RAD50: variants seen among roughly 807,000 people sequenced by gnomAD.
RAD50 encodes the protein DNA repair protein RAD50.
In RAD50, 132 loss-of-function variants were observed where a neutral mutation model predicts 168.8. That is an observed-to-expected ratio of 0.78 (90% CI 0.68 to 0.90). RAD50 has a LOEUF of 0.90. Among genes scored for constraint, RAD50 ranks in the 40% least tolerant of loss-of-function variants. The probability of loss-of-function intolerance (pLI) is 0.00; values close to 1 mark genes in which losing one functional copy is unlikely to be tolerated. For synonymous variants in RAD50, 525 were observed against 497.4 expected (o/e 1.06, Z -0.74); for missense variants, 1,347 against 1,534.4 (o/e 0.88, Z 2.04).
intron 2 of RAD50, among the ~76,000 whole-genome samples, chr5:132,569,164 A>T (rs1750259070): frequency 6.6e-6 from 1 of 152,202 alleles, no homozygotes; most frequent in African/African-American, 2.4e-5. Context: ...GTAGATAAGA[A>T]CCCTAAAACC....
chr5:132,632,886 A>G (rs145138013), intron 21 of RAD50, among the ~76,000 whole-genome samples: 31 of 152,010 alleles, frequency 2.0e-4, no homozygotes, highest in Non-Finnish European at 4.4e-5. Context: ...TTCCCTCTTT[A>G]CTAGTGAAGT....
rs876658433 is a variant in RAD50 at position 132,575,786 on chromosome 5, G to A, written c.223G>A (p.Glu75Lys). The change falls in exon 3 of 25, where the codon GAA (glutamate) becomes AAA (lysine). Residue 75 changes from glutamate to lysine, a missense_variant. By Grantham distance (56) the Glu-to-Lys change is moderately conservative (BLOSUM62 1). Transcript: ENST00000378823. ...GTGTTTTCCTTCAAAGGTTGCTCAA[G>A]AAACAGATGTGAGAGCCCAGATTCG... ...TFVHDPKVAQ[E>K]TDVRAQIRLQ... 6.3e-7 allele frequency: 1 copy of A among 1,595,196 alleles called. No homozygotes were observed. The highest frequency in any genetic ancestry group is 1.1e-5 in the South Asian group (1 of 90,642).
chr5:132,624,908 A>G (rs952635214), intron 21 of RAD50, among the ~76,000 whole-genome samples: 2 of 150,076 alleles, frequency 1.3e-5, no homozygotes, highest in African/African-American at 2.5e-5. Flanking sequence ...CAAAACTTCT[A>G]TTTGGAATAA....
chr5:132,612,853 A>C (rs181056159), intron 19 of RAD50, among the ~76,000 whole-genome samples: 1 of 151,944 alleles, frequency 6.6e-6, no homozygotes, highest in Non-Finnish European at 1.5e-5. Context: ...ATATATGTCT[A>C]TGTCTCCAAT....
Position 132,579,405 on chromosome 5 carries a change from A to T in RAD50, c.454A>T (p.Asn152Tyr), listed in dbSNP as rs772250365. 22 of 1,613,858 alleles carry T rather than the reference A, an allele frequency of 1.4e-5. No individual in the cohort carries two copies. Among genetic ancestry groups the T allele is most frequent in the Non-Finnish European group, 1.8e-5 (21 of 1,179,764 alleles). Residue 152 changes from asparagine to tyrosine, a missense_variant, in exon 4 of 25, where the codon AAT (asparagine) becomes TAT (tyrosine). This residue lies in a region of RAD50 where 703 missense variants were observed against 767.7 expected (regional missense o/e 0.92). Coordinates refer to ENST00000378823, the MANE Select transcript of RAD50 (RefSeq NM_005732.4). ...SSLGVSKAVL[N>Y]NVIFCHQEDS... ...TCTTGGGGTTTCCAAGGCTGTGCTA[A>T]ATAATGTCATTTTCTGTCATCAAGA...
Position 132,557,032 on chromosome 5 carries a change from G to T in RAD50, c.-293G>T. ...GCTGTGAGTGCGCGGTTGCGGGGTC[G>T]CATTGTGGCTACGGCTTTGCGTCCC... On this transcript the variant is annotated 5_prime_UTR_variant, in exon 1 of 25. Coordinates refer to ENST00000378823, the MANE Select transcript of RAD50 (RefSeq NM_005732.4). 1 of 660,660 alleles carries T rather than the reference G, an allele frequency of 1.5e-6. No individual in the cohort carries two copies. The highest frequency in any genetic ancestry group is 2.4e-6 in the Non-Finnish European group (1 of 421,204). 40.9% of individuals were successfully genotyped at this position (660,660 alleles called of 1,614,324 possible).
intron 21 of RAD50, among the ~76,000 whole-genome samples, chr5:132,627,282 G>T (rs930031594): frequency 6.6e-6 from 1 of 152,072 alleles, no homozygotes; most frequent in African/African-American, 2.4e-5. Context: ...CTTCAGTGAG[G>T]TGCTTGTGTA....
At position 132,591,962 on chromosome 5, in the gene RAD50, A is replaced by G. The variant is rs1386858430; in HGVS notation, c.1721A>G (p.Lys574Arg). The G allele has an allele frequency of 2.5e-6, 4 of 1,612,564 alleles. No individual in the cohort carries two copies. Among genetic ancestry groups the G allele is most frequent in the Non-Finnish European group, 3.4e-6 (4 of 1,178,874 alleles). The change falls in exon 11 of 25, where the codon AAA becomes AGA. Residue 574 changes from lysine (K) to arginine (R), a missense_variant. Transcript: ENST00000378823. Reference protein sequence around the residue: ...TSLLGYFPNKKQLEDWLHSKS... With the variant: ...TSLLGYFPNKRQLEDWLHSKS... The stretch of plus-strand genomic sequence containing the variant: ...CTGTTGGGATATTTTCCCAACAAAA[A>G]ACAGCTTGAAGACTGGCTACATAGT...
chr5:132,562,190 A>G (rs1750135363), intron 2 of RAD50, among the ~76,000 whole-genome samples: 1 of 152,228 alleles, frequency 6.6e-6, no homozygotes, highest in Admixed American at 6.5e-5. Flanking sequence ...TAGATCCTGT[A>G]GGTCCTTGGA....
At chr5:132,640,954 C>A in intron 24 of RAD50, 149 bp downstream of exon 24, 1 of 1,368,198 alleles carries the variant, frequency 7.3e-7, no homozygotes, top group Middle Eastern at 1.8e-4. Flanking sequence ...TGGTGCCAGG[C>A]CCTGGGCTTT....
In RAD50 at chr5:132,642,525, T is replaced by G; in HGVS notation, c.*161T>G. On this transcript the variant is annotated 3_prime_UTR_variant, in exon 25 of 25. Coordinates refer to ENST00000378823, the MANE Select transcript of RAD50 (RefSeq NM_005732.4). The stretch of plus-strand genomic sequence containing the variant: ...TTGAGAGGTTCTAAAATCATGAAAC[T>G]TGTTTCACTGAAAATTGGACAGATT... 3 of 717,146 alleles carry G rather than the reference T, an allele frequency of 4.2e-6. No homozygotes were observed. The East Asian group carries it at 8.1e-5, about 19-fold the overall frequency. The allele number at this position is 717,146 out of a possible 1,614,324, so 44.4% of individuals were successfully genotyped here. A position where few individuals can be genotyped will look rare whatever the true frequency, so the allele number is the denominator to read the frequency against.
chr5:132,604,992 A>G lies in RAD50; in HGVS notation c.2711A>G (p.Glu904Gly), dbSNP rs1180904911. 6.2e-7 allele frequency: 1 copy of G among 1,603,494 alleles called. No homozygotes were observed. Among genetic ancestry groups the G allele is most frequent in the South Asian group, 1.1e-5 (1 of 90,456 alleles). Residue 904 changes from glutamate to glycine, a missense_variant, in exon 16 of 25, where the codon GAG becomes GGG. Glu to Gly is a moderately conservative substitution (Grantham distance 98). This residue lies in a region of RAD50 where 635 missense variants were observed against 739.2 expected (regional missense o/e 0.86). Transcript: ENST00000378823. ...LSTEVQSLYR[E>G]IKDAKEQVSP... ...ACTGAAGTTCAGTCTTTGTACAGAG[A>G]GATAAAGGTAAGAATATCCATACAT...
intron 11 of RAD50, among the ~76,000 whole-genome samples, chr5:132,593,996 A>G (rs1423332425): frequency 3.3e-5 from 5 of 152,182 alleles, no homozygotes; most frequent in Non-Finnish European, 7.4e-5. Flanking sequence ...GTAGAGTAAG[A>G]TGAAGACTGT....
At chr5:132,623,355 AC>A (rs1012485250) in intron 21 of RAD50, among the ~76,000 whole-genome samples, 1 of 152,084 alleles carries the variant, frequency 6.6e-6, no homozygotes, top group African/African-American at 2.4e-5. Flanking sequence ...AGTGGTGCAC[AC>A]CTGTAATGCC....
At chr5:132,619,903 G>GATAT (rs1171708205) in intron 21 of RAD50, among the ~76,000 whole-genome samples, 3 of 135,094 alleles carry the variant, frequency 2.2e-5, no homozygotes, top group South Asian at 2.2e-4. Flanking sequence ...GAGAGAGAGA[G>GATAT]ATATATCTTT....
intron 2 of RAD50, among the ~76,000 whole-genome samples, chr5:132,574,890 T>A (rs1185354396): frequency 6.6e-6 from 1 of 152,202 alleles, no homozygotes; most frequent in Non-Finnish European, 1.5e-5. Flanking sequence ...TATCTCCATC[T>A]GAGACCACCT....
intron 3 of RAD50, among the ~76,000 whole-genome samples, chr5:132,578,863 A>G (rs906047466): frequency 1.3e-5 from 2 of 152,256 alleles, no homozygotes; most frequent in East Asian, 1.9e-4. Flanking sequence ...ATTGAAATGT[A>G]TAAAAAACAG....
intron 21 of RAD50, among the ~76,000 whole-genome samples, chr5:132,626,280 A>G (rs1255632922): frequency 6.6e-6 from 1 of 152,134 alleles, no homozygotes; most frequent in African/African-American, 2.4e-5. Context: ...TATCTCCTCA[A>G]CCTAATGATT....
intron 13 of RAD50, among the ~76,000 whole-genome samples, chr5:132,596,210 A>T (rs1299511877): frequency 7.1e-6 from 1 of 141,114 alleles, no homozygotes; most frequent in African/African-American, 3.0e-5. Flanking sequence ...GGCCAGGCTA[A>T]TCTCGAGCTC....
Sources: allele counts gnomAD v4.1 joint callset (sites outside exome capture counted in the v4.1 genomes callset), GRCh38; gene constraint gnomAD v4.1.1; regional missense constraint gnomAD v4.1.1; transcripts MANE v1.5; gene names NCBI Gene and HGNC (gene_info 2026-07-23, HGNC 2026-07-21).